The following CCDC66 variants were observed in gnomAD, a reference collection of about 807,000 sequenced individuals.
CCDC66 encodes the protein coiled-coil domain containing 66.
In CCDC66, 133 loss-of-function variants were observed where a neutral mutation model predicts 128.3. That is an observed-to-expected ratio of 1.04 (90% CI 0.90 to 1.20). The LOEUF is 1.20. Ranked by LOEUF, CCDC66 falls within the 50% of genes most tolerant of loss-of-function variation. The pLI, the probability that CCDC66 is intolerant of heterozygous loss-of-function variation, is 0.00. For synonymous variants in CCDC66, 387 were observed against 357.0 expected (o/e 1.08, Z -0.95); for missense variants, 1,126 against 1,075.5 (o/e 1.05, Z -0.66).
At chr3:56,611,265 A>T (rs2074766265) in intron 10 of CCDC66, among the ~76,000 whole-genome samples, 1 of 151,634 alleles carries the variant, frequency 6.6e-6, no homozygotes, top group Non-Finnish European at 1.5e-5. Flanking sequence ...GGGGACGGGG[A>T]TGAGATTCCC....
rs896508517 is a variant in CCDC66, at chr3:56,619,978, G to C, written c.2760+77G>C. On this transcript the variant is annotated intron_variant, in intron 17 of 17. Coordinates refer to ENST00000394672, the MANE Select transcript of CCDC66 (RefSeq NM_001141947.3). ...GTTGGGGGAACCTGTTGAACGGTTT[G>C]TTTTAAGTTACTTCGGTGCATCCCA... 3 of 773,074 alleles carry C rather than the reference G, an allele frequency of 3.9e-6. No individual in the cohort carries two copies. The African/African-American group carries it at 1.1e-4, about 30-fold the overall frequency. 47.9% of individuals were successfully genotyped at this position (773,074 alleles called of 1,614,324 possible).
Position 56,567,056 on chromosome 3 carries a change from A to G in CCDC66, c.814+3A>G, listed in dbSNP as rs2065950001. On this transcript the variant is annotated splice_donor_region_variant and intron_variant, in intron 6 of 17. Transcript: ENST00000394672. ...AGCCCAGTGGAGGAAAGAGCTAGGT[A>G]GGTAACTTTTATACCTTTATTATAG... 2 of 1,606,580 alleles carry G rather than the reference A, an allele frequency of 1.2e-6. No individual in the cohort carries two copies. Among genetic ancestry groups the G allele is most frequent in the Non-Finnish European group, 1.7e-6 (2 of 1,173,390 alleles).
rs751290871 is a variant in CCDC66, at chr3:56,615,116, C to A, written c.1567-12C>A. ...TTAATAGATGAATTTAGTAACACAT[C>A]AATATTGACAGGAAATCATGACTCT... On this transcript the variant is annotated splice_polypyrimidine_tract_variant and intron_variant, in intron 11 of 17. Coordinates refer to ENST00000394672, the MANE Select transcript of CCDC66 (RefSeq NM_001141947.3). The A allele has an allele frequency of 6.2e-7, 1 of 1,611,698 alleles. No homozygotes were observed. The highest frequency in any genetic ancestry group is 8.5e-7 in the Non-Finnish European group (1 of 1,179,086).
intron 7 of CCDC66, among the ~76,000 whole-genome samples, chr3:56,586,035 A>G (rs899183149): frequency 2.6e-5 from 4 of 151,888 alleles, no homozygotes; most frequent in African/African-American, 9.7e-5. Flanking sequence ...TAAACACACA[A>G]ACACACACAA....
intron 6 of CCDC66, chr3:56,569,501 G>C (rs1294167143): frequency 6.4e-6 from 1 of 157,426 alleles, no homozygotes; most frequent in Non-Finnish European, 1.4e-5. Flanking sequence ...CATCCCAAGG[G>C]GATGGCACCA....
chr3:56,608,871 C>T (rs2074425551), intron 10 of CCDC66, among the ~76,000 whole-genome samples: 1 of 152,168 alleles, frequency 6.6e-6, no homozygotes, highest in African/African-American at 2.4e-5. Flanking sequence ...GCCCAGTGCT[C>T]ATTCAGGAGC....
chr3:56,618,317 A>G (rs903160902), intron 15 of CCDC66, 105 bp downstream of exon 15: 7 of 1,027,144 alleles, frequency 6.8e-6, no homozygotes, highest in South Asian at 5.7e-5. Context: ...GTAGAGAACA[A>G]TCAGAAAGGG....
At chr3:56,605,732 T>A (rs1272584858) in intron 10 of CCDC66, among the ~76,000 whole-genome samples, 1 of 151,958 alleles carries the variant, frequency 6.6e-6, no homozygotes, top group Non-Finnish European at 1.5e-5. Flanking sequence ...TGTCTCCTAG[T>A]CAGGATACAT....
rs556789376 is a variant in CCDC66 at position 56,593,653 on chromosome 3, A to G, written c.1231A>G (p.Thr411Ala). Residue 411 changes from threonine (T) to alanine (A), a missense_variant, in exon 9 of 18, where the codon ACA (threonine) becomes GCA (alanine). Transcript: ENST00000394672. ...LADVSSVCTP[T>A]TGSQVEPSEE... ...TGATGTCAGCAGTGTTTGTACACCT[A>G]CAACCGGAAGCCAGGTTGAACCTTC... 2 of 1,614,186 alleles carry G rather than the reference A, an allele frequency of 1.2e-6. No homozygotes were observed. Among genetic ancestry groups the G allele is most frequent in the South Asian group, 1.1e-5 (1 of 91,084 alleles).
At chr3:56,616,790 A>G (rs2075567896) in intron 13 of CCDC66, 2 of 229,070 alleles carry the variant, frequency 8.7e-6, no homozygotes, top group Non-Finnish European at 1.7e-5. Flanking sequence ...CTGATTCTCT[A>G]TATCCTTGCC....
At chr3:56,566,136 G>GTTTTGTTTTGTTTTGT (rs1553662717) in intron 4 of CCDC66, among the ~76,000 whole-genome samples, 1 of 151,912 alleles carries the variant, frequency 6.6e-6, no homozygotes, top group African/African-American at 2.4e-5. Flanking sequence ...GTTTTGTTTT[G>GTTTTGTTTTGTTTTGT]TTTTTTTGAG....
chr3:56,576,675 C>T (rs1264268665), intron 7 of CCDC66, among the ~76,000 whole-genome samples: 1 of 151,004 alleles, frequency 6.6e-6, no homozygotes, highest in East Asian at 2.0e-4. Flanking sequence ...TCTCTCCTTG[C>T]AATAGTTTGC....
At chr3:56,567,901 A>G (rs573019366) in intron 6 of CCDC66, among the ~76,000 whole-genome samples, 57 of 152,092 alleles carry the variant, frequency 3.7e-4, no homozygotes, top group African/African-American at 1.3e-3. Context: ...TGTGTTAGCC[A>G]GGATGGTCTT....
chr3:56,561,052 A>G (rs2065028841), intron 3 of CCDC66: 1 of 424,886 alleles, frequency 2.4e-6, no homozygotes, highest in Non-Finnish European at 4.6e-6. Context: ...TACATATAAA[A>G]ATTGTTTCTC....
intron 17 of CCDC66, chr3:56,621,016 T>TCC (rs1553717682): frequency 6.6e-6 from 1 of 152,036 alleles, no homozygotes; most frequent in African/African-American, 2.4e-5. Context: ...GTTAGTTAGT[T>TCC]AGCCAGGCGT....
intron 10 of CCDC66, among the ~76,000 whole-genome samples, chr3:56,606,962 G>T (rs555885847): frequency 6.6e-6 from 1 of 152,168 alleles, no homozygotes; most frequent in East Asian, 1.9e-4. Context: ...AAGTATTTGG[G>T]TTTATTTCTG....
intron 1 of CCDC66, 108 bp downstream of exon 1, chr3:56,557,361 C>A: frequency 7.0e-7 from 1 of 1,421,798 alleles, no homozygotes. Flanking sequence ...GGAGAACGTT[C>A]CCAACCTGCG....
intron 10 of CCDC66, among the ~76,000 whole-genome samples, chr3:56,610,187 G>A (rs2074600371): frequency 6.6e-6 from 1 of 152,136 alleles, no homozygotes; most frequent in Admixed American, 6.6e-5. Context: ...TTTTAGAATT[G>A]TCTTCTCCCT....
At chr3:56,569,454 G>T in intron 6 of CCDC66, 1 of 192,658 alleles carries the variant, frequency 5.2e-6, no homozygotes, top group Non-Finnish European at 1.2e-5. Flanking sequence ...TACACAACCA[G>T]CTCTCATGTG....
Sources: gnomAD v4.1 joint callset for allele counts (sites outside exome capture counted in the v4.1 genomes callset) on GRCh38, gnomAD v4.1.1 for gene constraint, MANE v1.5 for transcripts, NCBI Gene and HGNC (gene_info 2026-07-23, HGNC 2026-07-21) for gene names.